CEP63: variants seen among roughly 807,000 people sequenced by gnomAD.
CEP63 encodes the protein centrosomal protein of 63 kDa.
Under a neutral mutation model 89.1 loss-of-function variants are expected in CEP63, and 84 were observed. The ratio of observed to expected loss-of-function variants is 0.94; its 90% CI spans 0.79 to 1.13. The LOEUF is 1.13. Among genes scored for constraint, CEP63 ranks in the 50% most tolerant of loss-of-function variants. The pLI is 0.00. For missense variants in CEP63, 838 were observed against 813.3 expected (o/e 1.03, Z -0.37); for synonymous variants, 267 against 272.5 (o/e 0.98, Z 0.20).
chr3:134,545,367 C>T (rs534098700), intron 6 of CEP63, among the ~76,000 whole-genome samples: 80 of 151,634 alleles, frequency 5.3e-4, no homozygotes, highest in African/African-American at 1.9e-3. Context: ...TGAGCTCAAG[C>T]GATCTGCCTG....
At chr3:134,606,506 C>T in the CEP63 span, among the ~76,000 whole-genome samples, 2 of 152,226 alleles carry the variant, frequency 1.3e-5, no homozygotes, top group Non-Finnish European at 2.9e-5. Context: ...CCCACCCGGA[C>T]CCCTCAGCTG....
the CEP63 span, among the ~76,000 whole-genome samples, chr3:134,695,926 A>G: frequency 1.3e-5 from 2 of 152,348 alleles, no homozygotes; most frequent in South Asian, 4.1e-4. Context: ...TACACTGGTG[A>G]AAACTGAGGC....
the CEP63 span, among the ~76,000 whole-genome samples, chr3:134,749,973 T>A: frequency 6.6e-6 from 1 of 152,088 alleles, no homozygotes; most frequent in Non-Finnish European, 1.5e-5. Context: ...ATTAATCCCT[T>A]GCTACAAGCC....
the CEP63 span, among the ~76,000 whole-genome samples, chr3:134,640,146 A>C: frequency 9.6e-5 from 14 of 146,200 alleles, 1 homozygote; most frequent in African/African-American, 3.5e-4. Flanking sequence ...GAGGCTGAGG[A>C]GGAGAGAAAA....
chr3:134,527,242 G>A (rs1577067002), intron 3 of CEP63, among the ~76,000 whole-genome samples: 5 of 152,186 alleles, frequency 3.3e-5, no homozygotes, highest in Admixed American at 2.6e-4. Flanking sequence ...CCCTGCTGGC[G>A]ACTGTGCACA....
At chr3:134,524,004 G>A (rs1948087812) in intron 3 of CEP63, among the ~76,000 whole-genome samples, 1 of 152,144 alleles carries the variant, frequency 6.6e-6, no homozygotes, top group Admixed American at 6.6e-5. Flanking sequence ...TAATGATACT[G>A]ATTCTTCCTT....
chr3:134,628,688 G>C, the CEP63 span, among the ~76,000 whole-genome samples: 2 of 152,132 alleles, frequency 1.3e-5, no homozygotes, highest in African/African-American at 4.8e-5. Context: ...TGCCTGGCTT[G>C]GGCTTTATAT....
chr3:134,735,477 C>A, the CEP63 span, among the ~76,000 whole-genome samples: 1 of 151,978 alleles, frequency 6.6e-6, no homozygotes, highest in Non-Finnish European at 1.5e-5. Flanking sequence ...GCAAAATCAG[C>A]AATAAAAAGC....
the CEP63 span, among the ~76,000 whole-genome samples, chr3:134,604,975 C>T: frequency 6.6e-6 from 1 of 152,186 alleles, no homozygotes; most frequent in Non-Finnish European, 1.5e-5. Context: ...TGAGACTGTG[C>T]ATAGGAGGTT....
downstream of CEP63, among the ~76,000 whole-genome samples, chr3:134,577,411 T>C (rs538733940): frequency 2.0e-5 from 3 of 151,196 alleles, no homozygotes; most frequent in Non-Finnish European, 2.9e-5. Context: ...AAAAACTTTT[T>C]TGTGGCCTTT....
At chr3:134,664,629 G>GAA in the CEP63 span, among the ~76,000 whole-genome samples, 2 of 151,880 alleles carry the variant, frequency 1.3e-5, no homozygotes, top group East Asian at 1.9e-4. Flanking sequence ...TCCTAGAACA[G>GAA]CCTACCTCCT....
chr3:134,676,123 A>C, the CEP63 span, among the ~76,000 whole-genome samples: 1 of 152,222 alleles, frequency 6.6e-6, no homozygotes, highest in Non-Finnish European at 1.5e-5. Context: ...TTCACCCTAA[A>C]ATGTATACGT....
chr3:134,597,846 T>G, the CEP63 span: 1 of 152,266 alleles, frequency 6.6e-6, no homozygotes, highest in African/African-American at 2.4e-5. Context: ...TGTCTCAGCA[T>G]CTGTTCTCCT....
At chr3:134,543,757 C>T (rs1952556094) in intron 6 of CEP63, among the ~76,000 whole-genome samples, 2 of 152,316 alleles carry the variant, frequency 1.3e-5, no homozygotes, top group South Asian at 4.1e-4. Context: ...GACATTTCAG[C>T]AAGCTGGGCT....
chr3:134,490,681 T>A (rs1937309936), intron 1 of CEP63, among the ~76,000 whole-genome samples: 1 of 62,914 alleles, frequency 1.6e-5, no homozygotes. Context: ...ACAATTTAGC[T>A]TTCATCTCTG....
chr3:134,549,154 A>T lies in CEP63; in HGVS notation c.1160A>T (p.Glu387Val). The T allele has an allele frequency of 6.2e-7, 1 of 1,609,898 alleles. No homozygotes were observed. The highest frequency in any genetic ancestry group is 1.1e-5 in the South Asian group (1 of 91,018). The change falls in exon 10 of 15, where the codon GAA becomes GTA. Residue 387 changes from glutamate (E) to valine (V), a missense_variant. Transcript: ENST00000675561. ...ELKRMEAHNN[E>V]YKAEIKKLKE... is the part of the protein sequence containing the mutation. Reference sequence around the variant, plus strand: ...AAGAGGATGGAAGCACATAACAATGAATACAAAGCAGAGATTAAGAAGGTA... The same window carrying T: ...AAGAGGATGGAAGCACATAACAATGTATACAAAGCAGAGATTAAGAAGGTA...
the CEP63 span, among the ~76,000 whole-genome samples, chr3:134,766,577 C>T: frequency 6.6e-6 from 1 of 152,326 alleles, no homozygotes; most frequent in African/African-American, 2.4e-5. Flanking sequence ...CCTGCCTGCC[C>T]ACTTTCTCCT....
chr3:134,584,015 C>T (rs1280178850), intron 10 of CEP63, among the ~76,000 whole-genome samples: 2 of 152,114 alleles, frequency 1.3e-5, no homozygotes, highest in Non-Finnish European at 2.9e-5. Flanking sequence ...GTGATTTTTG[C>T]ACATTGATTT....
At chr3:134,532,510 G>A (rs1447061019) in intron 4 of CEP63, among the ~76,000 whole-genome samples, 4 of 152,132 alleles carry the variant, frequency 2.6e-5, no homozygotes, top group Non-Finnish European at 5.9e-5. Flanking sequence ...TTGTGGGGCT[G>A]GGTGGTAGGG....
Sources: gnomAD v4.1 joint callset for allele counts (sites outside exome capture counted in the v4.1 genomes callset) on GRCh38, gnomAD v4.1.1 for gene constraint, MANE v1.5 for transcripts, NCBI Gene and HGNC (gene_info 2026-07-23, HGNC 2026-07-21) for gene names.